EPHA5: variants seen among roughly 807,000 people sequenced by gnomAD.
EPHA5 encodes EPH receptor A5.
Under a neutral mutation model 105.0 loss-of-function variants are expected in EPHA5, and 60 were observed. That is an observed-to-expected ratio of 0.57 (90% CI 0.46 to 0.71). The LOEUF is 0.71. Among genes scored for constraint, EPHA5 ranks in the 30% least tolerant of loss-of-function variants. The pLI is 0.00. For synonymous variants in EPHA5, 513 were observed against 449.1 expected, an observed-to-expected ratio of 1.14 and a Z score of -1.80; for missense variants, 1,218 against 1,274.7, an observed-to-expected ratio of 0.96 and a Z score of 0.68.
At chr4:65,374,933 A>G (rs147872128) in intron 8 of EPHA5, among the ~76,000 whole-genome samples, 2 of 151,922 alleles carry the variant, frequency 1.3e-5, no homozygotes, top group Admixed American at 1.3e-4. Flanking sequence ...TCTCCTAGAT[A>G]AATGATTCTT....
intron 3 of EPHA5, among the ~76,000 whole-genome samples, chr4:65,517,857 A>G (rs1397799270): frequency 6.6e-6 from 1 of 152,006 alleles, no homozygotes; most frequent in Non-Finnish European, 1.5e-5. Context: ...TGTATTTAAA[A>G]CTAGACAACA....
chr4:65,460,060 G>T (rs978885766), intron 5 of EPHA5, among the ~76,000 whole-genome samples: 1 of 151,448 alleles, frequency 6.6e-6, no homozygotes, highest in Non-Finnish European at 1.5e-5. Context: ...GGAAAATAAT[G>T]CATTCTTGAC....
At chr4:65,366,889 G>C (rs1233513741) in intron 9 of EPHA5, among the ~76,000 whole-genome samples, 1 of 151,492 alleles carries the variant, frequency 6.6e-6, no homozygotes, top group Non-Finnish European at 1.5e-5. Flanking sequence ...ATTTTTTAAA[G>C]CAAGGTCTTT....
In EPHA5 at chr4:65,631,981, C is replaced by CAAGAAT. The variant is rs576570201; in HGVS notation, c.246+11376_246+11381dup. 1.6e-4 allele frequency among the ~76,000 whole-genome samples: 25 copies of CAAGAAT among 151,600 alleles called. 1 individual carries two copies. Among genetic ancestry groups the CAAGAAT allele is most frequent in the Non-Finnish European group, 3.4e-4 (23 of 67,860 alleles). On this transcript the variant is annotated intron_variant, in intron 2 of 16. Coordinates refer to ENST00000613740, the MANE Select transcript of EPHA5 (RefSeq NM_001281766.3). ...ACCAAACAGAAACCAAGAACAAGAA[C>CAAGAAT]AAGAATAATGCCAACATCACACTGA...
intron 6 of EPHA5, among the ~76,000 whole-genome samples, chr4:65,415,332 A>G (rs957333630): frequency 2.0e-5 from 3 of 152,122 alleles, no homozygotes; most frequent in African/African-American, 2.4e-5. Flanking sequence ...TTGTAAAAAT[A>G]TAACAGGTAA....
chr4:65,527,045 T>C (rs1319689556), intron 3 of EPHA5, among the ~76,000 whole-genome samples: 1 of 152,080 alleles, frequency 6.6e-6, no homozygotes, highest in African/African-American at 2.4e-5. Context: ...ATATTCATAT[T>C]GCCCAGTGTT....
chr4:65,426,977 G>A (rs1156829861), intron 5 of EPHA5, among the ~76,000 whole-genome samples: 2 of 151,870 alleles, frequency 1.3e-5, no homozygotes, highest in Non-Finnish European at 2.9e-5. Flanking sequence ...GAATTTCAAG[G>A]AAATCTAGAG....
At chr4:65,576,042 GAAAGAAAGAAAGAAAGA>G (rs1740914736) in intron 3 of EPHA5, among the ~76,000 whole-genome samples, 58 of 61,402 alleles carry the variant, frequency 9.4e-4, no homozygotes, top group African/African-American at 3.1e-3. Flanking sequence ...AAGAAAGAAA[GAAAGAAAGAAAGAAAGA>G]AAAGAAAAGA....
At chr4:65,404,649 A>G (rs1211814219) in intron 7 of EPHA5, among the ~76,000 whole-genome samples, 170 bp from the exon 8 acceptor site, 1 of 152,226 alleles carries the variant, frequency 6.6e-6, no homozygotes, top group Non-Finnish European at 1.5e-5. Flanking sequence ...AAAGTCATCT[A>G]TAATAGAAAA....
intron 8 of EPHA5, among the ~76,000 whole-genome samples, chr4:65,375,107 ATTTTGGAGAACTTT>A (rs1718865485): frequency 6.6e-6 from 1 of 151,894 alleles, no homozygotes; most frequent in Non-Finnish European, 1.5e-5. Context: ...CCCAGTAAAA[ATTTTGGAGAACTTT>A]TTTATTGTTT....
At chr4:65,590,292 T>G (rs1420240405) in intron 3 of EPHA5, among the ~76,000 whole-genome samples, 1 of 152,124 alleles carries the variant, frequency 6.6e-6, no homozygotes, top group Non-Finnish European at 1.5e-5. Context: ...TTCTTACAGA[T>G]GAAACACTGC....
At chr4:65,331,471 A>T in intron 16 of EPHA5, 1 of 1,049,560 alleles carries the variant, frequency 9.5e-7, no homozygotes, top group Non-Finnish European at 1.2e-6. Context: ...GATTGAAAGA[A>T]TGTAAGGTGC....
At chr4:65,589,300 T>G (rs1431727756) in intron 3 of EPHA5, among the ~76,000 whole-genome samples, 1 of 151,910 alleles carries the variant, frequency 6.6e-6, no homozygotes, top group African/African-American at 2.4e-5. Context: ...TGAATTTAAA[T>G]TTTTTTTCAC....
At chr4:65,610,912 T>A (rs1578573187) in intron 2 of EPHA5, among the ~76,000 whole-genome samples, 1 of 152,176 alleles carries the variant, frequency 6.6e-6, no homozygotes, top group Admixed American at 6.5e-5. Context: ...TCCCACTATG[T>A]ATTTTTCATC....
chr4:65,573,989 T>G (rs1740520828), intron 3 of EPHA5: 2 of 1,593,874 alleles, frequency 1.3e-6, no homozygotes, highest in East Asian at 4.5e-5. Flanking sequence ...TACTTGTGAC[T>G]GGACCTCTGG....
At chr4:65,404,585 C>T in intron 7 of EPHA5, 106 bp from the exon 8 acceptor site, 2 of 882,658 alleles carry the variant, frequency 2.3e-6, no homozygotes, top group South Asian at 3.3e-5. Flanking sequence ...AAGCAATTTA[C>T]CCACACTTAG....
intron 2 of EPHA5, among the ~76,000 whole-genome samples, chr4:65,629,750 A>T (rs1560794467): frequency 6.6e-6 from 1 of 152,074 alleles, no homozygotes; most frequent in Non-Finnish European, 1.5e-5. Context: ...GGCTGCCAAC[A>T]TCTACAGCAA....
At chr4:65,346,952 A>G (rs1722280728) in intron 14 of EPHA5, among the ~76,000 whole-genome samples, 1 of 152,198 alleles carries the variant, frequency 6.6e-6, no homozygotes. Context: ...TTCACACTGT[A>G]GGTACCTACA....
At chr4:65,558,580 A>C (rs141783542) in intron 3 of EPHA5, among the ~76,000 whole-genome samples, 2,236 of 152,124 alleles carry the variant, frequency 0.015, 59 homozygotes, top group African/African-American at 0.051. Flanking sequence ...TTTAGGGTAC[A>C]TGTGCACAAC....
Sources: gnomAD v4.1 joint callset for allele counts (sites outside exome capture counted in the v4.1 genomes callset) on GRCh38, gnomAD v4.1.1 for gene constraint, MANE v1.5 for transcripts, NCBI Gene and HGNC (gene_info 2026-07-23, HGNC 2026-07-21) for gene names.